CUTC: variants seen among roughly 807,000 people sequenced by gnomAD.
CUTC encodes copper homeostasis protein cutC homolog.
Under a neutral mutation model 36.2 loss-of-function variants are expected in CUTC, and 27 were observed. The ratio of observed to expected loss-of-function variants is 0.75; its 90% CI spans 0.55 to 1.03. CUTC has a LOEUF of 1.03. CUTC is among the 50% of genes least tolerant of loss of function. The pLI, the probability that CUTC is intolerant of heterozygous loss-of-function variation, is 0.00. For synonymous variants in CUTC, 114 were observed against 118.3 expected (o/e 0.96, Z 0.24); for missense variants, 315 against 343.5 (o/e 0.92, Z 0.66).
intron 8 of CUTC, among the ~76,000 whole-genome samples, chr10:99,754,994 C>CAT (rs3979202): frequency 0.99 from 150,531 of 152,320 alleles, 74,404 homozygotes; most frequent in East Asian, 1. Context: ...ATGGAAGAGT[C>CAT]AGTCATTTTT....
chr10:99,751,697 A>G (rs1304930988), intron 7 of CUTC, among the ~76,000 whole-genome samples: 1 of 152,122 alleles, frequency 6.6e-6, no homozygotes, highest in Non-Finnish European at 1.5e-5. Flanking sequence ...GTCTCTACTA[A>G]AAATACAAAA....
At chr10:99,733,215 A>G (rs1320021915) in intron 1 of CUTC, among the ~76,000 whole-genome samples, 1 of 152,190 alleles carries the variant, frequency 6.6e-6, no homozygotes, top group Non-Finnish European at 1.5e-5. Flanking sequence ...AGGCTGAGGC[A>G]GGAGAATCAC....
chr10:99,751,267 C>G (rs1452040202), intron 7 of CUTC, among the ~76,000 whole-genome samples: 1 of 152,122 alleles, frequency 6.6e-6, no homozygotes, highest in Non-Finnish European at 1.5e-5. Flanking sequence ...ACTCAACTTT[C>G]TCCAATTGTC....
At chr10:99,739,565 G>T (rs957064513) in intron 2 of CUTC, 145 bp from the exon 3 acceptor site, 1 of 707,080 alleles carries the variant, frequency 1.4e-6, no homozygotes, top group South Asian at 1.8e-5. Context: ...GTTAAAAACA[G>T]AGTTTTACTC....
At chr10:99,752,832 A>G (rs904702726) in intron 7 of CUTC, among the ~76,000 whole-genome samples, 2 of 152,240 alleles carry the variant, frequency 1.3e-5, no homozygotes, top group Non-Finnish European at 2.9e-5. Flanking sequence ...GATAGATATG[A>G]AAACAGAAAT....
intron 6 of CUTC, among the ~76,000 whole-genome samples, chr10:99,748,302 T>A (rs2037393722): frequency 6.6e-6 from 1 of 152,230 alleles, no homozygotes; most frequent in Non-Finnish European, 1.5e-5. Flanking sequence ...TAGGTCTTAA[T>A]AATGTTAGGT....
chr10:99,743,348 G>A lies in CUTC; in HGVS notation c.389G>A (p.Cys130Tyr), dbSNP rs781031066. 1 of 1,614,036 alleles carries A rather than the reference G, an allele frequency of 6.2e-7. No individual in the cohort carries two copies. The highest frequency in any genetic ancestry group is 8.5e-7 in the Non-Finnish European group (1 of 1,179,916). Residue 130 changes from cysteine (C) to tyrosine (Y), a missense_variant, in exon 4 of 9, where the codon TGT (cysteine) becomes TAT (tyrosine). Coordinates refer to ENST00000370476, the MANE Select transcript of CUTC (RefSeq NM_015960.3). Reference protein sequence around the residue: ...TEDGHIDKELCMSLMAICRPL... With the variant: ...TEDGHIDKELYMSLMAICRPL... ...GATGGACACATTGACAAAGAGCTGT[G>A]TATGTCCCTTATGGGTAAGAATTTG...
At chr10:99,747,982 GT>G (rs1255551635) in intron 6 of CUTC, among the ~76,000 whole-genome samples, 1 of 151,956 alleles carries the variant, frequency 6.6e-6, no homozygotes, top group Non-Finnish European at 1.5e-5. Flanking sequence ...TATTTTATGA[GT>G]TTTCCTGGTG....
chr10:99,740,305 ACTTT>A (rs2037332638), intron 3 of CUTC, among the ~76,000 whole-genome samples: 1 of 151,936 alleles, frequency 6.6e-6, no homozygotes, highest in Non-Finnish European at 1.5e-5. Context: ...TGCCTGAAGT[ACTTT>A]CTTTAACTTT....
At chr10:99,748,278 T>A (rs1485354291) in intron 6 of CUTC, among the ~76,000 whole-genome samples, 2 of 152,206 alleles carry the variant, frequency 1.3e-5, no homozygotes, top group Non-Finnish European at 2.9e-5. Context: ...CTTAGCACAG[T>A]GGTTGGCATA....
chr10:99,738,231 A>T (rs1564655457), intron 2 of CUTC, among the ~76,000 whole-genome samples: 1 of 152,204 alleles, frequency 6.6e-6, no homozygotes, highest in East Asian at 1.9e-4. Flanking sequence ...TATATAAGAA[A>T]TCCATAAATA....
intron 3 of CUTC, among the ~76,000 whole-genome samples, chr10:99,740,536 CTCT>C (rs1302761064): frequency 1.3e-5 from 2 of 151,892 alleles, no homozygotes; most frequent in African/African-American, 4.8e-5. Context: ...TGTAATATGT[CTCT>C]TTTTTCTACC....
chr10:99,751,820 TGCACTCC>T (rs2037421215), intron 7 of CUTC, among the ~76,000 whole-genome samples: 1 of 152,244 alleles, frequency 6.6e-6, no homozygotes, highest in Non-Finnish European at 1.5e-5. Flanking sequence ...ATTGCACCAC[TGCACTCC>T]AGCCTGGGTG....
At chr10:99,735,485 G>A (rs987006962) in intron 1 of CUTC, among the ~76,000 whole-genome samples, 2 of 152,136 alleles carry the variant, frequency 1.3e-5, no homozygotes, top group East Asian at 1.9e-4. Flanking sequence ...TTGGCTCACT[G>A]CAACCTCCAC....
At chr10:99,747,903 TA>T (rs2037390709) in intron 6 of CUTC, among the ~76,000 whole-genome samples, 1 of 152,210 alleles carries the variant, frequency 6.6e-6, no homozygotes, top group South Asian at 2.1e-4. Context: ...CATCTGGAGG[TA>T]AATTCCAAAA....
At chr10:99,732,826 G>C (rs1237479461) in intron 1 of CUTC, among the ~76,000 whole-genome samples, 2 of 152,290 alleles carry the variant, frequency 1.3e-5, no homozygotes, top group South Asian at 2.1e-4. Flanking sequence ...CGGGGACGGG[G>C]CTTGGTCCCC....
At chr10:99,743,050 T>C in intron 3 of CUTC, 103 bp from the exon 4 acceptor site, 1 of 1,057,818 alleles carries the variant, frequency 9.5e-7, no homozygotes, top group Non-Finnish European at 1.4e-6. Flanking sequence ...CTTCTCAGTG[T>C]CTGTCCTACC....
intron 7 of CUTC, among the ~76,000 whole-genome samples, chr10:99,752,809 A>T (rs571304978): frequency 3.0e-4 from 46 of 152,242 alleles, no homozygotes; most frequent in Non-Finnish European, 3.2e-4. Flanking sequence ...TGTATATTTT[A>T]TGCTAATTGT....
Position 99,743,944 on chromosome 10 carries a change from T to C in CUTC, c.404-93T>C, listed in dbSNP as rs12246979. 9.6e-4 allele frequency: 877 copies of C among 909,144 alleles called. 4 individuals carry two copies. In the African/African-American group the frequency reaches 0.012, roughly 13 times the overall value. 56.3% of individuals were successfully genotyped at this position (909,144 alleles called of 1,614,324 possible). On this transcript the variant is annotated intron_variant, in intron 4 of 8. Transcript: ENST00000370476. ...TTACTGTCTTGTTAGGCGAAGAAAGTATTAAAAAGTTTCAGCTAACATGGA... is the reference window on the plus strand; with the variant it reads ...TTACTGTCTTGTTAGGCGAAGAAAGCATTAAAAAGTTTCAGCTAACATGGA...
Sources: gnomAD v4.1 joint callset for allele counts (sites outside exome capture counted in the v4.1 genomes callset) on GRCh38, gnomAD v4.1.1 for gene constraint, MANE v1.5 for transcripts, NCBI Gene and HGNC (gene_info 2026-07-23, HGNC 2026-07-21) for gene names.